API5: variants seen among roughly 807,000 people sequenced by gnomAD.
API5 encodes the protein apoptosis inhibitor 5.
A neutral mutation model predicts 71.9 loss-of-function variants in API5; 6 were observed. The ratio of observed to expected loss-of-function variants is 0.08; its 90% CI spans 0.05 to 0.16. The LOEUF (loss-of-function observed/expected upper bound fraction) is 0.16, where lower values mean the gene tolerates loss of function less well. Ranked by LOEUF, API5 falls within the 10% of genes least tolerant of loss-of-function variation. API5 has a pLI of 1.00. For missense variants in API5, 332 were observed against 612.8 expected (o/e 0.54, Z 4.84); for synonymous variants, 189 against 221.3 (o/e 0.85, Z 1.30).
chr11:43,324,501 A>G (rs1041064286), intron 6 of API5, among the ~76,000 whole-genome samples: 8 of 152,162 alleles, frequency 5.3e-5, no homozygotes, highest in East Asian at 1.9e-4. Context: ...TGTAATCCCA[A>G]TCCCAGCACT....
At chr11:43,337,935 C>G (rs1855488981) in intron 13 of API5, among the ~76,000 whole-genome samples, 1 of 152,096 alleles carries the variant, frequency 6.6e-6, no homozygotes, top group Admixed American at 6.6e-5. Context: ...TGTGAAAAAT[C>G]TAACACTTTA....
rs370323707 is a variant in API5 at position 43,318,571 on chromosome 11, T to A, written c.70-69T>A. ...TTTAAAGCACACTCTAACATGTTTG[T>A]TATGGTCTTTTACTTTGCTTCCCAT... On this transcript the variant is annotated intron_variant, in intron 1 of 13. Transcript: ENST00000531273. 15 of 1,588,588 alleles carry A rather than the reference T, an allele frequency of 9.4e-6. No homozygotes were observed. The African/African-American group carries it at 1.6e-4, about 17-fold the overall frequency.
intron 2 of API5, among the ~76,000 whole-genome samples, chr11:43,319,600 G>A (rs748053497): frequency 6.6e-6 from 1 of 152,000 alleles, no homozygotes; most frequent in African/African-American, 2.4e-5. Flanking sequence ...TAATTTTTTT[G>A]TAGGGTCTTG....
chr11:43,324,632 C>T (rs993242436), intron 6 of API5, among the ~76,000 whole-genome samples: 9 of 151,952 alleles, frequency 5.9e-5, no homozygotes, highest in Non-Finnish European at 1.3e-4. Context: ...GAGAAATGTG[C>T]AGTCTGAAAA....
intron 13 of API5, among the ~76,000 whole-genome samples, chr11:43,338,368 T>C (rs1855502305): frequency 1.3e-5 from 2 of 152,196 alleles, no homozygotes; most frequent in African/African-American, 4.8e-5. Flanking sequence ...CATAAACATA[T>C]ACCCACGTTT....
rs372360119 is a variant in API5 at position 43,318,055 on chromosome 11, G to A, written c.70-585G>A. On this transcript the variant is annotated intron_variant, in intron 1 of 13. Coordinates refer to ENST00000531273, the MANE Select transcript of API5 (RefSeq NM_001142930.2). ...GACAGAGTCTCACTCTGTCATCCAG[G>A]CTGGAGTGCAGTAGTACGATCTCAG... Among the ~76,000 whole-genome samples the A allele has an allele frequency of 2.4e-4, 36 of 150,960 alleles. No homozygotes were observed. In the East Asian group the frequency reaches 3.4e-3, roughly 14 times the overall value.
chr11:43,321,522 T>C (rs5743221), intron 4 of API5, 46 bp downstream of exon 4: 305,747 of 1,440,738 alleles, frequency 0.21, 35,620 homozygotes, highest in Non-Finnish European at 0.24. Context: ...TCTTACAGAA[T>C]CACAAAGTTA....
At position 43,343,194 on chromosome 11, in the gene API5, ATG is replaced by A. The variant is rs551521361; in HGVS notation, c.*700_*701del. ...AATATACATACATACATAAGCATATATGTGTGTGTGTGTGTGTATATATATAT... is the reference window on the plus strand; with the variant it reads ...AATATACATACATACATAAGCATATATGTGTGTGTGTGTGTATATATATAT... On this transcript the variant is annotated 3_prime_UTR_variant, in exon 14 of 14. Transcript: ENST00000531273. The A allele has an allele frequency of 2.0e-4, 30 of 151,486 alleles. No individual in the cohort carries two copies. Among genetic ancestry groups the A allele is most frequent in the South Asian group, 4.2e-4 (2 of 4,802 alleles). 9.4% of individuals were successfully genotyped at this position (151,486 alleles called of 1,614,324 possible).
chr11:43,321,855 C>G lies in API5; in HGVS notation c.392-130C>G, dbSNP rs1295642691. ...TGTAGAAATTTCAGACTACTTTTAA[C>G]TAGTAATGAGGATGATATTTGGGAA... On this transcript the variant is annotated intron_variant, in intron 4 of 13. Transcript: ENST00000531273. 3.4e-6 allele frequency: 3 copies of G among 888,912 alleles called. No homozygotes were observed. The African/African-American group carries it at 5.2e-5, about 15-fold the overall frequency. The allele number at this position is 888,912 out of a possible 1,614,324, so 55.1% of individuals were successfully genotyped here.
intron 4 of API5, 33 bp downstream of exon 4, chr11:43,321,509 A>G (rs368627391): frequency 1.3e-4 from 193 of 1,519,504 alleles, no homozygotes; most frequent in Non-Finnish European, 1.6e-4. Flanking sequence ...ATTGTGTTTG[A>G]TGTCTTACAG....
rs141130979 is a variant in API5, at chr11:43,334,509, T to C, written c.1279-769T>C. Among the ~76,000 whole-genome samples, 686 of 152,264 alleles carry C rather than the reference T, an allele frequency of 4.5e-3. 4 individuals are homozygous for C. Among genetic ancestry groups the C allele is most frequent in the African/African-American group, 0.016 (646 of 41,558 alleles). On this transcript the variant is annotated intron_variant, in intron 11 of 13. Transcript: ENST00000531273. The stretch of plus-strand genomic sequence containing the variant: ...CAGGGACGATTTTTTATTAGTATAC[T>C]CATTTTAACTGGGAGAAAAGTTTAC...
intron 6 of API5, among the ~76,000 whole-genome samples, chr11:43,323,843 A>G (rs1291386318): frequency 1.3e-5 from 2 of 152,138 alleles, no homozygotes; most frequent in Admixed American, 1.3e-4. Context: ...AAATGCTTTA[A>G]TGAGCATTTC....
chr11:43,322,173 A>G, intron 5 of API5, 37 bp downstream of exon 5: 1 of 1,555,358 alleles, frequency 6.4e-7, no homozygotes, highest in Non-Finnish European at 8.7e-7. Flanking sequence ...AATTCTCTAA[A>G]GCAAAAGAGC....
chr11:43,330,757 G>A (rs193195907), intron 11 of API5, among the ~76,000 whole-genome samples, 193 bp downstream of exon 11: 55 of 152,258 alleles, frequency 3.6e-4, no homozygotes, highest in African/African-American at 1.3e-3. Context: ...ATTAGCTGTT[G>A]GGTTCTTTTG....
chr11:43,337,740 C>G (rs1436425020), intron 13 of API5, among the ~76,000 whole-genome samples: 2 of 152,050 alleles, frequency 1.3e-5, no homozygotes, highest in African/African-American at 4.8e-5. Flanking sequence ...TTCTTAAAAT[C>G]AAAAGTTATC....
At chr11:43,327,432 T>G (rs571031567) in intron 7 of API5, among the ~76,000 whole-genome samples, 1 of 152,356 alleles carries the variant, frequency 6.6e-6, no homozygotes, top group African/African-American at 2.4e-5. Flanking sequence ...AGTTAATATA[T>G]TTATCATTTT....
At chr11:43,330,079 T>C (rs759984705) in intron 10 of API5, 21 bp downstream of exon 10, 17 of 1,582,748 alleles carry the variant, frequency 1.1e-5, no homozygotes, top group Middle Eastern at 1.7e-4. Flanking sequence ...TGGCTCACAT[T>C]TCATAAACTG....
intron 6 of API5, among the ~76,000 whole-genome samples, chr11:43,323,984 A>C (rs575754128): frequency 3.0e-4 from 45 of 152,260 alleles, no homozygotes; most frequent in African/African-American, 1.0e-3. Flanking sequence ...TGTTGGTGAG[A>C]ACCCAAAGCA....
chr11:43,321,280 A>T, intron 3 of API5, 131 bp from the exon 4 acceptor site: 2 of 772,414 alleles, frequency 2.6e-6, no homozygotes, highest in Non-Finnish European at 4.2e-6. Flanking sequence ...TTGGTACTTG[A>T]GGGAATGGCT....
Sources: allele counts gnomAD v4.1 joint callset (sites outside exome capture counted in the v4.1 genomes callset), GRCh38; gene constraint gnomAD v4.1.1; transcripts MANE v1.5; gene names NCBI Gene and HGNC (gene_info 2026-07-23, HGNC 2026-07-21).